Variants in ROBO2 observed in about 807,000 individuals in gnomAD.
ROBO2 encodes the protein roundabout homolog 2.
ROBO2 carries 53 observed loss-of-function variants against 160.8 expected under a neutral mutation model. The observed-to-expected ratio is 0.33, with a 90% CI of 0.26 to 0.41. The LOEUF (loss-of-function observed/expected upper bound fraction) is 0.41. Among genes scored for constraint, ROBO2 ranks in the 10% least tolerant of loss-of-function variants. The pLI, the probability that ROBO2 is intolerant of heterozygous loss-of-function variation, is 1.00. For synonymous variants in ROBO2, 664 were observed against 611.7 expected (o/e 1.09, Z -1.26); for missense variants, 1,577 against 1,722.4 (o/e 0.92, Z 1.49).
chr3:76,659,830 A>G (rs1392213887), intron 2 of ROBO2, among the ~76,000 whole-genome samples: 2 of 152,178 alleles, frequency 1.3e-5, no homozygotes, highest in African/African-American at 4.8e-5. Context: ...GAGCTGGGAA[A>G]AACCATGGCC....
chr3:77,051,702 T>C (rs2065242823), intron 1 of ROBO2, among the ~76,000 whole-genome samples: 1 of 152,232 alleles, frequency 6.6e-6, no homozygotes, highest in Non-Finnish European at 1.5e-5. Flanking sequence ...GATTCAATTC[T>C]AAGCTTTCCA....
At chr3:77,337,369 A>T (rs1261731399) in intron 2 of ROBO2, among the ~76,000 whole-genome samples, 1 of 152,154 alleles carries the variant, frequency 6.6e-6, no homozygotes, top group African/African-American at 2.4e-5. Flanking sequence ...CAAAATATTA[A>T]ACTTGGGGTA....
At chr3:77,055,705 C>T (rs1389098693) in intron 1 of ROBO2, among the ~76,000 whole-genome samples, 1 of 152,112 alleles carries the variant, frequency 6.6e-6, no homozygotes, top group Non-Finnish European at 1.5e-5. Context: ...ACATTTTTGA[C>T]CCTGAGGAAC....
At chr3:77,015,501 C>T (rs1196382439) in intron 2 of ROBO2, among the ~76,000 whole-genome samples, 1 of 152,120 alleles carries the variant, frequency 6.6e-6, no homozygotes, top group African/African-American at 2.4e-5. Flanking sequence ...TAACCATCCA[C>T]GATTATAGCA....
chr3:76,229,454 T>C (rs1704490733), intron 2 of ROBO2, among the ~76,000 whole-genome samples: 1 of 152,160 alleles, frequency 6.6e-6, no homozygotes, highest in Admixed American at 6.5e-5. Context: ...TCATTTTACA[T>C]CATTCCTTTT....
At chr3:76,317,919 G>T (rs1459155488) in intron 2 of ROBO2, among the ~76,000 whole-genome samples, 1 of 151,908 alleles carries the variant, frequency 6.6e-6, no homozygotes, top group Non-Finnish European at 1.5e-5. Context: ...CTTAGCTATA[G>T]AAAATATGTC....
intron 2 of ROBO2, among the ~76,000 whole-genome samples, chr3:76,175,509 C>A (rs960927638): frequency 2.0e-5 from 3 of 151,978 alleles, no homozygotes; most frequent in African/African-American, 7.3e-5. Flanking sequence ...TTTAAACATG[C>A]AACTCATTTT....
intron 2 of ROBO2, among the ~76,000 whole-genome samples, chr3:76,955,908 A>G (rs1405251619): frequency 6.6e-6 from 1 of 151,874 alleles, no homozygotes; most frequent in African/African-American, 2.4e-5. Flanking sequence ...AAAAAAAGAA[A>G]GAAAGAAACA....
chr3:76,169,581 A>G (rs1366775722), intron 2 of ROBO2, among the ~76,000 whole-genome samples: 1 of 152,200 alleles, frequency 6.6e-6, no homozygotes, highest in Admixed American at 6.5e-5. Context: ...AAAATATACA[A>G]TACAGGAAAT....
At chr3:76,863,511 AC>A (rs924763256) in intron 2 of ROBO2, among the ~76,000 whole-genome samples, 3 of 151,974 alleles carry the variant, frequency 2.0e-5, no homozygotes, top group Admixed American at 6.6e-5. Flanking sequence ...GTTATCTATT[AC>A]GCCTTCCTAT....
intron 2 of ROBO2, among the ~76,000 whole-genome samples, chr3:76,720,051 C>T (rs2093441279): frequency 1.3e-5 from 2 of 152,076 alleles, no homozygotes; most frequent in South Asian, 4.1e-4. Flanking sequence ...TTCTAACATC[C>T]AATGCGATGG....
chr3:76,452,913 C>A (rs1256654576), intron 2 of ROBO2, among the ~76,000 whole-genome samples: 14 of 151,592 alleles, frequency 9.2e-5, no homozygotes, highest in African/African-American at 2.9e-4. Context: ...ATTTGCATTT[C>A]TCTGATGGCC....
At chr3:76,420,669 A>C (rs746167705) in intron 2 of ROBO2, among the ~76,000 whole-genome samples, 1 of 152,182 alleles carries the variant, frequency 6.6e-6, no homozygotes, top group East Asian at 1.9e-4. Flanking sequence ...TCAATATTTT[A>C]TAGTAATAAG....
At chr3:76,260,296 C>A (rs1001772749) in intron 2 of ROBO2, among the ~76,000 whole-genome samples, 2 of 152,002 alleles carry the variant, frequency 1.3e-5, no homozygotes, top group Non-Finnish European at 2.9e-5. Flanking sequence ...TCCCATAGGG[C>A]TGATGTTGTT....
intron 2 of ROBO2, among the ~76,000 whole-genome samples, chr3:76,367,590 A>G (rs978503572): frequency 3.9e-5 from 6 of 152,004 alleles, no homozygotes; most frequent in Non-Finnish European, 2.9e-5. Flanking sequence ...ATTTGTTATT[A>G]TAGTCTGCAG....
chr3:75,994,311 TAAAC>T (rs2065663145), intron 2 of ROBO2, among the ~76,000 whole-genome samples: 2 of 152,108 alleles, frequency 1.3e-5, no homozygotes, highest in African/African-American at 4.8e-5. Flanking sequence ...TTTCAACACT[TAAAC>T]AAAAAAATTG....
intron 2 of ROBO2, among the ~76,000 whole-genome samples, chr3:76,050,463 G>A (rs948746526): frequency 2.0e-5 from 3 of 152,066 alleles, no homozygotes; most frequent in Admixed American, 1.3e-4. Context: ...CGTATTGGGG[G>A]CTTCACCTTA....
At chr3:76,049,383 G>GTGTATGTA (rs1440395230) in intron 2 of ROBO2, among the ~76,000 whole-genome samples, 46 of 36,806 alleles carry the variant, frequency 1.2e-3, no homozygotes, top group African/African-American at 5.2e-3. Flanking sequence ...GCTAATTTTA[G>GTGTATGTA]TATATATATA....
At chr3:77,123,550 T>C (rs912682282) in intron 2 of ROBO2, among the ~76,000 whole-genome samples, 1 of 152,092 alleles carries the variant, frequency 6.6e-6, no homozygotes, top group Non-Finnish European at 1.5e-5. Context: ...TTGGTGTGTA[T>C]TAAGGTGTGG....
Sources: allele counts gnomAD v4.1 joint callset (sites outside exome capture counted in the v4.1 genomes callset), GRCh38; gene constraint gnomAD v4.1.1; transcripts MANE v1.5; gene names NCBI Gene and HGNC (gene_info 2026-07-23, HGNC 2026-07-21).